The following ZC3H11A variants were observed in gnomAD, a reference collection of about 807,000 sequenced individuals.
ZC3H11A encodes the protein zinc finger CCCH domain-containing protein 11A.
ZC3H11A carries 22 observed loss-of-function variants against 90.8 expected under a neutral mutation model. The ratio of observed to expected loss-of-function variants is 0.24; its 90% CI spans 0.17 to 0.35. The LOEUF is 0.35. Among genes scored for constraint, ZC3H11A ranks in the 10% least tolerant of loss-of-function variants. The pLI, the probability that ZC3H11A is intolerant of heterozygous loss-of-function variation, is 1.00. For synonymous variants in ZC3H11A, 294 were observed against 339.8 expected (o/e 0.87, Z 1.48); for missense variants, 701 against 964.9 (o/e 0.73, Z 3.62).
chr1:203,834,202 A>G (rs1683431968), intron 10 of ZC3H11A: 1 of 457,192 alleles, frequency 2.2e-6, no homozygotes, highest in African/African-American at 2.1e-5. Context: ...AGAATACAGG[A>G]ATCCCTAAGA....
At chr1:203,848,517 C>A in intron 14 of ZC3H11A, 110 bp downstream of exon 14, 1 of 744,468 alleles carries the variant, frequency 1.3e-6, no homozygotes, top group Non-Finnish European at 2.2e-6. Flanking sequence ...ATTAGGTAAA[C>A]AGTCTTTCTT....
chr1:203,838,288 G>A (rs939267257), intron 11 of ZC3H11A, among the ~76,000 whole-genome samples: 22 of 152,160 alleles, frequency 1.4e-4, no homozygotes, highest in Admixed American at 1.3e-4. Flanking sequence ...AGTATAAATG[G>A]CAGGTAGGAA....
intron 2 of ZC3H11A, among the ~76,000 whole-genome samples, chr1:203,803,794 A>G (rs1671259868): frequency 6.6e-6 from 1 of 152,094 alleles, no homozygotes; most frequent in Non-Finnish European, 1.5e-5. Context: ...TTTTGTAGAG[A>G]TGGAGTTGCT....
intron 17 of ZC3H11A, 69 bp from the exon 18 acceptor site, chr1:203,852,071 CG>C: frequency 6.3e-7 from 1 of 1,580,768 alleles, no homozygotes. Context: ...ACTTTGTGTC[CG>C]TGAGACTAGG....
At chr1:203,847,749 G>A (rs1292002155) in intron 13 of ZC3H11A, 62 bp downstream of exon 13, 37 of 1,557,122 alleles carry the variant, frequency 2.4e-5, no homozygotes, top group South Asian at 4.9e-5. Flanking sequence ...GGAGTGTTCC[G>A]TGGGATCTTC....
chr1:203,839,127 G>A (rs1264273100), intron 11 of ZC3H11A, among the ~76,000 whole-genome samples: 1 of 152,126 alleles, frequency 6.6e-6, no homozygotes, highest in Non-Finnish European at 1.5e-5. Flanking sequence ...TAGATAAGAC[G>A]AGGTAGTGGC....
chr1:203,798,061 A>G, intron 1 of ZC3H11A: 2 of 1,536,016 alleles, frequency 1.3e-6, no homozygotes, highest in Non-Finnish European at 1.7e-6. Flanking sequence ...CAAGCAAGGC[A>G]TTCACCTCAT....
At chr1:203,797,960 C>T (rs1199869151) in intron 1 of ZC3H11A, 9 of 1,535,750 alleles carry the variant, frequency 5.9e-6, no homozygotes, top group Non-Finnish European at 7.0e-6. Flanking sequence ...CCCAGTACAC[C>T]TGGCGGGCCA....
At position 203,802,714 on chromosome 1, in the gene ZC3H11A, C is replaced by CTTTTTTTTTTTTTT. The variant is rs150416242; in HGVS notation, c.-439_-438insTTTTTTTTTTTTTT. On this transcript the variant is annotated 5_prime_UTR_variant, in exon 2 of 18. The change abolishes the stop of an existing upstream ORF in the 5' untranslated region. Coordinates refer to ENST00000367210, the MANE Select transcript of ZC3H11A (RefSeq NM_001376342.1). ...TCTCAAGTTCATCTTTAAATGAACT[C>CTTTTTTTTTTTTTT]TTTTTTTTTGTTTTTTTTTTGTTTT... 1 of 131,652 alleles carries CTTTTTTTTTTTTTT rather than the reference C, an allele frequency of 7.6e-6. No homozygotes were observed. Among genetic ancestry groups the CTTTTTTTTTTTTTT allele is most frequent in the Non-Finnish European group, 1.6e-5 (1 of 60,920 alleles). 8.2% of individuals were successfully genotyped at this position (131,652 alleles called of 1,614,324 possible).
chr1:203,805,797 A>T (rs987360325), intron 2 of ZC3H11A: 1 of 757,444 alleles, frequency 1.3e-6, no homozygotes, highest in African/African-American at 1.7e-5. Flanking sequence ...GGTTGTCTTC[A>T]TCTAATTCTG....
At chr1:203,813,474 A>G (rs1367858985) in intron 2 of ZC3H11A, among the ~76,000 whole-genome samples, 1 of 152,092 alleles carries the variant, frequency 6.6e-6, no homozygotes, top group African/African-American at 2.4e-5. Flanking sequence ...CTGTGTCTAA[A>G]ATTATTTTTT....
intron 2 of ZC3H11A, among the ~76,000 whole-genome samples, chr1:203,807,595 T>G (rs1001094636): frequency 7.9e-5 from 12 of 152,056 alleles, no homozygotes; most frequent in Non-Finnish European, 1.3e-4. Flanking sequence ...GATGTGATCA[T>G]AGCTCACTGC....
chr1:203,797,615 T>G (rs1669001167), intron 1 of ZC3H11A: 1 of 1,535,710 alleles, frequency 6.5e-7, no homozygotes, highest in Non-Finnish European at 8.7e-7. Flanking sequence ...TGGGATGTGT[T>G]CCTATTAATT....
At chr1:203,846,081 C>A (rs1450722326) in intron 12 of ZC3H11A, among the ~76,000 whole-genome samples, 1 of 131,696 alleles carries the variant, frequency 7.6e-6, no homozygotes, top group Middle Eastern at 5.3e-3. Context: ...GTTTGGAGAC[C>A]AGCCTGGGCC....
At chr1:203,813,741 G>A (rs1241208573) in intron 2 of ZC3H11A, among the ~76,000 whole-genome samples, 1 of 152,062 alleles carries the variant, frequency 6.6e-6, no homozygotes, top group Non-Finnish European at 1.5e-5. Flanking sequence ...GGCTTCTGGT[G>A]TTTGTTGGCA....
chr1:203,822,032 C>T (rs139374199), intron 4 of ZC3H11A, among the ~76,000 whole-genome samples: 3,750 of 152,198 alleles, frequency 0.025, 65 homozygotes, highest in Non-Finnish European at 0.039. Flanking sequence ...CCTGGGATTA[C>T]AGGTGTGAGC....
intron 12 of ZC3H11A, among the ~76,000 whole-genome samples, chr1:203,842,688 A>G (rs115513034): frequency 0.01 from 1,573 of 150,304 alleles, 35 homozygotes; most frequent in African/African-American, 0.037. Context: ...AGAAACATGC[A>G]TATGTATGAG....
chr1:203,809,141 A>C (rs1035471011), intron 2 of ZC3H11A, among the ~76,000 whole-genome samples: 2 of 98,338 alleles, frequency 2.0e-5, no homozygotes, highest in African/African-American at 7.8e-5. Context: ...GAGTTTTCTT[A>C]TTATTTTTGA....
At position 203,829,476 on chromosome 1, in the gene ZC3H11A, A is replaced by G; in HGVS notation, c.324A>G (p.Ser108=). The change falls in exon 6 of 18, where the codon TCA becomes TCG. Residue 108 remains serine, a synonymous_variant. Coordinates refer to ENST00000367210, the MANE Select transcript of ZC3H11A (RefSeq NM_001376342.1). The stretch of plus-strand genomic sequence containing the variant: ...CTGTGTTGCCCACTGTGCCTGAGTC[A>G]CCAGAAGAGGAAGTGAAGGCTAGCC... The part of the protein sequence containing the change: ...SKTVLPTVPE[S]PEEEVKASQL... 2.5e-6 allele frequency: 4 copies of G among 1,613,926 alleles called. No individual in the cohort carries two copies. In the South Asian group the frequency reaches 4.4e-5, roughly 18 times the overall value.
Sources: allele counts gnomAD v4.1 joint callset (sites outside exome capture counted in the v4.1 genomes callset), GRCh38; gene constraint gnomAD v4.1.1; transcripts MANE v1.5; gene names NCBI Gene and HGNC (gene_info 2026-07-23, HGNC 2026-07-21).